The following CHL1 variants were observed in gnomAD, a reference collection of about 807,000 sequenced individuals.
CHL1 encodes neural cell adhesion molecule L1-like protein.
CHL1 carries 96 observed loss-of-function variants against 141.9 expected under a neutral mutation model. That is an observed-to-expected ratio of 0.68 (90% CI 0.57 to 0.80). The LOEUF (loss-of-function observed/expected upper bound fraction) is 0.80, where lower values mean the gene tolerates loss of function less well. CHL1 is among the 30% of genes least tolerant of loss of function. The pLI, the probability that CHL1 is intolerant of heterozygous loss-of-function variation, is 0.00. For missense variants in CHL1, 1,820 were observed against 1,457.2 expected (o/e 1.25, Z -4.05); for synonymous variants, 613 against 502.2 (o/e 1.22, Z -2.95).
chr3:378,053 T>G, intron 16 of CHL1, 111 bp downstream of exon 16: 2 of 934,784 alleles, frequency 2.1e-6, no homozygotes, highest in Non-Finnish European at 2.9e-6. Flanking sequence ...CATATATTGT[T>G]AGTTTCAAAT....
At chr3:249,958 A>T (rs1693530114) in intron 2 of CHL1, among the ~76,000 whole-genome samples, 1 of 151,950 alleles carries the variant, frequency 6.6e-6, no homozygotes, top group Non-Finnish European at 1.5e-5. Context: ...ACAGATTAAT[A>T]GGAAAAAAAA....
At chr3:253,513 G>A (rs3901003) in intron 2 of CHL1, among the ~76,000 whole-genome samples, 42,705 of 151,942 alleles carry the variant, frequency 0.28, 6,936 homozygotes, top group African/African-American at 0.45. Context: ...TTTTGTATGC[G>A]GGCCAATAAA....
intron 2 of CHL1, among the ~76,000 whole-genome samples, chr3:265,598 G>C (rs1244281844): frequency 6.6e-6 from 1 of 152,286 alleles, no homozygotes; most frequent in East Asian, 1.9e-4. Context: ...GTAAAGAGAA[G>C]GGGTAGGACT....
In CHL1 at chr3:402,400, C is replaced by T. The variant is rs972126528; in HGVS notation, c.3458+702C>T. Among the ~76,000 whole-genome samples, 18 of 152,300 alleles carry T rather than the reference C, an allele frequency of 1.2e-4. No homozygotes were observed. In the East Asian group the frequency reaches 3.3e-3, roughly 28 times the overall value. On this transcript the variant is annotated intron_variant, in intron 27 of 27. Coordinates refer to ENST00000256509, the MANE Select transcript of CHL1 (RefSeq NM_006614.4). Reference sequence around the variant, plus strand: ...GGGACGTGTTAAACTGTCTCATTCTCCTTTTATCTTTCTCCACCTTCCCCT... The same window carrying T: ...GGGACGTGTTAAACTGTCTCATTCTTCTTTTATCTTTCTCCACCTTCCCCT...
Position 272,017 on chromosome 3 carries a change from C to T in CHL1, c.-95+27325C>T, listed in dbSNP as rs368374623. Among the ~76,000 whole-genome samples the T allele has an allele frequency of 1.1e-4, 17 of 152,190 alleles. No homozygotes were observed. The East Asian group carries it at 2.7e-3, about 24-fold the overall frequency. ...AAAATCATATGGTAGACATTTTCTG[C>T]AATGTAGCATGATTTAATAGAATTG... On this transcript the variant is annotated intron_variant, in intron 2 of 27. Transcript: ENST00000256509.
chr3:328,137 A>T, intron 4 of CHL1, 30 bp from the exon 5 acceptor site: 1 of 1,538,554 alleles, frequency 6.5e-7, no homozygotes, highest in Non-Finnish European at 8.9e-7. Flanking sequence ...ATTATTTTTC[A>T]GGATTATTAA....
chr3:254,285 T>A (rs926939628), intron 2 of CHL1, among the ~76,000 whole-genome samples: 1 of 152,178 alleles, frequency 6.6e-6, no homozygotes, highest in Non-Finnish European at 1.5e-5. Context: ...CATAAATTGA[T>A]CTCACATCCC....
At chr3:240,147 T>G (rs777504218) in intron 1 of CHL1, among the ~76,000 whole-genome samples, 15 of 152,218 alleles carry the variant, frequency 9.9e-5, no homozygotes, top group Non-Finnish European at 1.6e-4. Flanking sequence ...AGAGCTACTT[T>G]TAGTTCTGTA....
intron 5 of CHL1, among the ~76,000 whole-genome samples, chr3:334,844 T>A (rs1701738140): frequency 6.6e-6 from 1 of 152,230 alleles, no homozygotes; most frequent in Non-Finnish European, 1.5e-5. Flanking sequence ...TCAGACAGAC[T>A]GTCATATCCT....
Position 347,919 on chromosome 3 carries a change from G to A in CHL1, c.849-1440G>A, listed in dbSNP as rs1004871210. On this transcript the variant is annotated intron_variant, in intron 9 of 27. Transcript: ENST00000256509. Reference sequence around the variant, plus strand: ...AGTGTTTGAGGCTTGAAGGAAGAAGGAAAAGAGTAGATATATAGAGATTAA... The same window carrying A: ...AGTGTTTGAGGCTTGAAGGAAGAAGAAAAAGAGTAGATATATAGAGATTAA... Among the ~76,000 whole-genome samples the A allele has an allele frequency of 2.0e-5, 3 of 152,278 alleles. No homozygotes were observed. The South Asian group carries it at 6.2e-4, about 32-fold the overall frequency.
intron 2 of CHL1, among the ~76,000 whole-genome samples, chr3:263,791 A>C (rs1166442539): frequency 6.6e-6 from 1 of 152,154 alleles, no homozygotes; most frequent in Non-Finnish European, 1.5e-5. Flanking sequence ...TGGCCTAGGG[A>C]ATGTTGAAAG....
At chr3:349,316 C>A in intron 9 of CHL1, 43 bp from the exon 10 acceptor site, 1 of 1,519,246 alleles carries the variant, frequency 6.6e-7, no homozygotes, top group Non-Finnish European at 9.0e-7. Context: ...ATTTTACTTT[C>A]CGCTTTTAAA....
In CHL1 at chr3:196,913, C is replaced by T. The variant is rs1575580457; in HGVS notation, c.-325C>T. 6.6e-6 allele frequency: 1 copy of T among 152,566 alleles called. No homozygotes were observed. The allele number at this position is 152,566 out of a possible 1,614,324, so 9.5% of individuals were successfully genotyped here. On this transcript the variant is annotated 5_prime_UTR_variant, in exon 1 of 28. Transcript: ENST00000256509. ...GGACCTCCGCGGACAGCCCCGGGTG[C>T]GGACCAGCGGGCAGCGGCCGGCGAG...
intron 1 of CHL1, among the ~76,000 whole-genome samples, chr3:229,986 T>C (rs777685390): frequency 5.9e-5 from 9 of 152,130 alleles, no homozygotes; most frequent in Non-Finnish European, 1.2e-4. Flanking sequence ...TTAGGGTGGA[T>C]CTTCTCTCCT....
At chr3:302,214 G>A (rs1321036201) in intron 2 of CHL1, among the ~76,000 whole-genome samples, 1 of 152,194 alleles carries the variant, frequency 6.6e-6, no homozygotes, top group East Asian at 1.9e-4. Context: ...ACATACATGT[G>A]CATGTGTCTA....
At chr3:301,779 C>T (rs1182890238) in intron 2 of CHL1, among the ~76,000 whole-genome samples, 1 of 152,090 alleles carries the variant, frequency 6.6e-6, no homozygotes, top group Non-Finnish European at 1.5e-5. Context: ...ACTTTAAGTT[C>T]TGGGTTACAT....
intron 1 of CHL1, among the ~76,000 whole-genome samples, chr3:224,858 G>T (rs556245055): frequency 1.3e-5 from 2 of 152,192 alleles, no homozygotes; most frequent in Non-Finnish European, 1.5e-5. Context: ...ACTCAGAGCC[G>T]GGTGCAGTGG....
At chr3:339,775 G>T (rs891908381) in intron 5 of CHL1, among the ~76,000 whole-genome samples, 4 of 152,154 alleles carry the variant, frequency 2.6e-5, no homozygotes, top group Non-Finnish European at 5.9e-5. Flanking sequence ...TTCTCAAGAA[G>T]AAATTTTACA....
intron 15 of CHL1, among the ~76,000 whole-genome samples, chr3:368,885 T>C (rs1404949126): frequency 2.0e-5 from 3 of 152,212 alleles, no homozygotes; most frequent in African/African-American, 7.2e-5. Flanking sequence ...GTCAGTTTTG[T>C]CAAAGATCAG....
Sources: gnomAD v4.1 joint callset for allele counts (sites outside exome capture counted in the v4.1 genomes callset) on GRCh38, gnomAD v4.1.1 for gene constraint, MANE v1.5 for transcripts, NCBI Gene and HGNC (gene_info 2026-07-23, HGNC 2026-07-21) for gene names.